MED13L: variants seen among roughly 807,000 people sequenced by gnomAD.
MED13L encodes mediator complex subunit 13L.
Under a neutral mutation model 220.9 loss-of-function variants are expected in MED13L, and 7 were observed. That is an observed-to-expected ratio of 0.03 (90% CI 0.02 to 0.06). The LOEUF (loss-of-function observed/expected upper bound fraction) is 0.06. Among genes scored for constraint, MED13L ranks in the 10% least tolerant of loss-of-function variants. MED13L has a pLI of 1.00. For missense variants in MED13L, 1,965 were observed against 2,760.5 expected (o/e 0.71, Z 6.46); for synonymous variants, 1,011 against 1,015.2 (o/e 1.00, Z 0.08).
chr12:115,982,299 TAAGAAAAA>T, intron 22 of MED13L, 77 bp downstream of exon 22: 1 of 1,396,804 alleles, frequency 7.2e-7, no homozygotes, highest in Non-Finnish European at 1.0e-6. Context: ...TTCCATTTTT[TAAGAAAAA>T]TCATAGGCCT....
rs779764655 is a variant in MED13L at position 115,983,313 on chromosome 12, C to A, written c.4759G>T (p.Val1587Phe). ...CCAGGAGCAGAGGCAGACGATGAGA[C>A]CGGTGGCACAGAGGAACCAGATGCA... ...SSASGSSVPPVSSSASAPGIS... is the reference protein window; with the variant it reads ...SSASGSSVPPFSSSASAPGIS... The change falls in exon 21 of 31, where the codon GTC (valine) becomes TTC (phenylalanine). Residue 1587 changes from valine to phenylalanine, a missense_variant. Physicochemically the swap from Val to Phe is conservative, Grantham distance 50 (BLOSUM62 -1). Around this residue, in one of 10 missense-constraint regions of MED13L, gnomAD observed 510 missense variants for 620.4 expected, o/e 0.82. Coordinates refer to ENST00000281928, the MANE Select transcript of MED13L (RefSeq NM_015335.5). 5 of 1,614,054 alleles carry A rather than the reference C, an allele frequency of 3.1e-6. No individual in the cohort carries two copies. Among genetic ancestry groups the A allele is most frequent in the African/African-American group, 2.7e-5 (2 of 74,914 alleles).
chr12:116,231,236 A>T (rs1869527172), intron 2 of MED13L, among the ~76,000 whole-genome samples: 1 of 152,338 alleles, frequency 6.6e-6, no homozygotes. Context: ...ACAAAAGGAA[A>T]GGATATCTTT....
At chr12:116,182,143 T>C (rs953504451) in intron 2 of MED13L, among the ~76,000 whole-genome samples, 1 of 152,132 alleles carries the variant, frequency 6.6e-6, no homozygotes, top group Non-Finnish European at 1.5e-5. Context: ...CCACCTTCCT[T>C]GACCCTCTCT....
intron 17 of MED13L, among the ~76,000 whole-genome samples, chr12:115,988,207 A>G (rs1000532221): frequency 1.3e-5 from 2 of 152,172 alleles, no homozygotes; most frequent in Admixed American, 6.5e-5. Flanking sequence ...ATGATTAAGG[A>G]TTCTTAAGAC....
chr12:116,183,172 A>G (rs1042601525), intron 2 of MED13L, among the ~76,000 whole-genome samples: 3 of 152,232 alleles, frequency 2.0e-5, no homozygotes, highest in Non-Finnish European at 4.4e-5. Context: ...ACAGCAGTTT[A>G]TAACAACTCC....
At chr12:115,982,199 C>G in intron 22 of MED13L, 185 bp downstream of exon 22, 1 of 623,486 alleles carries the variant, frequency 1.6e-6, no homozygotes, top group South Asian at 2.0e-5. Flanking sequence ...CTGCAAAGGT[C>G]TCCCATTATA....
In MED13L at chr12:115,963,399, G is replaced by A; in HGVS notation, c.6500+8C>T. ...TTGCACTGCTATGATGCCTAGGTTG[G>A]TATCTACCTTAAAACATCCGACGTG... is the stretch of plus-strand genomic sequence containing the variant. On this transcript the variant is annotated splice_region_variant and intron_variant, in intron 30 of 30. Coordinates refer to ENST00000281928, the MANE Select transcript of MED13L (RefSeq NM_015335.5). 2 of 1,579,108 alleles carry A rather than the reference G, an allele frequency of 1.3e-6. No individual in the cohort carries two copies. The highest frequency in any genetic ancestry group is 1.3e-5 in the African/African-American group (1 of 74,226).
intron 4 of MED13L, among the ~76,000 whole-genome samples, chr12:116,046,159 A>AC (rs1881819978): frequency 6.6e-6 from 1 of 152,176 alleles, no homozygotes. Context: ...TCACACACAC[A>AC]AAAAAGAATG....
intron 1 of MED13L, among the ~76,000 whole-genome samples, chr12:116,262,693 T>C (rs181290667): frequency 6.3e-4 from 96 of 152,344 alleles, no homozygotes; most frequent in African/African-American, 2.2e-3. Context: ...ATCAAATTTA[T>C]ACAATTTACT....
intron 1 of MED13L, 82 bp from the exon 2 acceptor site, chr12:116,237,787 T>A (rs911330659): frequency 8.4e-7 from 1 of 1,186,200 alleles, no homozygotes; most frequent in Non-Finnish European, 1.3e-6. Flanking sequence ...AGAAAAGCAA[T>A]TGTGCTAAAA....
chr12:115,995,135 T>C (rs548631557), intron 16 of MED13L, among the ~76,000 whole-genome samples: 5 of 152,290 alleles, frequency 3.3e-5, no homozygotes, highest in Admixed American at 6.5e-5. Flanking sequence ...GAAGTCTTGT[T>C]ACGACATTAA....
intron 4 of MED13L, among the ~76,000 whole-genome samples, chr12:116,027,345 C>A (rs1880457618): frequency 6.6e-6 from 1 of 152,112 alleles, no homozygotes; most frequent in Non-Finnish European, 1.5e-5. Flanking sequence ...CAGCTTGAGC[C>A]TTTGAGGTTG....
At chr12:116,154,008 G>A (rs1878251722) in intron 2 of MED13L, among the ~76,000 whole-genome samples, 1 of 152,154 alleles carries the variant, frequency 6.6e-6, no homozygotes, top group Non-Finnish European at 1.5e-5. Flanking sequence ...AATCACAGCT[G>A]CCCGGAGCAC....
intron 4 of MED13L, among the ~76,000 whole-genome samples, chr12:116,035,619 C>T (rs1323449415): frequency 6.6e-6 from 1 of 152,002 alleles, no homozygotes; most frequent in Non-Finnish European, 1.5e-5. Context: ...GAGACAGGGT[C>T]TCGTTCTGTC....
chr12:116,111,381 A>G lies in MED13L; in HGVS notation c.395+47T>C, dbSNP rs778233772. The G allele has an allele frequency of 1.1e-5, 16 of 1,473,346 alleles. No homozygotes were observed. The South Asian group carries it at 1.6e-4, about 15-fold the overall frequency. 91.3% of individuals were successfully genotyped at this position (1,473,346 alleles called of 1,614,324 possible). On this transcript the variant is annotated intron_variant, in intron 3 of 30. Coordinates refer to ENST00000281928, the MANE Select transcript of MED13L (RefSeq NM_015335.5). Reference sequence around the variant, plus strand: ...TACAGGAAACTCTCGGTATCTAGCAATATACTTGGTTGTCTGCAAACCACT... The same window carrying G: ...TACAGGAAACTCTCGGTATCTAGCAGTATACTTGGTTGTCTGCAAACCACT...
chr12:115,990,976 A>T, intron 17 of MED13L, 44 bp downstream of exon 17: 1 of 1,589,254 alleles, frequency 6.3e-7, no homozygotes, highest in Non-Finnish European at 8.6e-7. Flanking sequence ...TTATGATCAT[A>T]CCAAGATACT....
At chr12:116,276,723 AGGGGGGAAAG>A in intron 1 of MED13L, 1 of 957,062 alleles carries the variant, frequency 1.0e-6, no homozygotes, top group Non-Finnish European at 1.4e-6. Context: ...GGGGAAAAAA[AGGGGGGAAAG>A]GGGAGGAGAA....
chr12:116,012,799 G>A lies in MED13L; in HGVS notation c.1278C>T (p.Ser426=), dbSNP rs1879496065. 4 of 1,609,428 alleles carry A rather than the reference G, an allele frequency of 2.5e-6. No homozygotes were observed. The South Asian group carries it at 3.3e-5, about 13-fold the overall frequency. Residue 426 remains serine, a splice_region_variant and synonymous_variant, in exon 9 of 31, where the codon TCC becomes TCT. Coordinates refer to ENST00000281928, the MANE Select transcript of MED13L (RefSeq NM_015335.5). ...DPTQRVSCSC[S]RHKLLKRCAV... is the part of the protein sequence containing the mutation. ...ATTTTGCCTTTTTTATTACCTACCT[G>A]GAACAAGAACAGCTGACTCTTTGGG...
intron 4 of MED13L, among the ~76,000 whole-genome samples, chr12:116,074,837 G>A (rs1212986044): frequency 6.6e-6 from 1 of 152,218 alleles, no homozygotes; most frequent in Admixed American, 6.5e-5. Context: ...AGCCCCTTAG[G>A]GCAAGTATGC....
Sources: allele counts gnomAD v4.1 joint callset (sites outside exome capture counted in the v4.1 genomes callset), GRCh38; gene constraint gnomAD v4.1.1; regional missense constraint gnomAD v4.1.1; transcripts MANE v1.5; gene names NCBI Gene and HGNC (gene_info 2026-07-23, HGNC 2026-07-21).